Variants in SLC20A2 observed in about 807,000 individuals in gnomAD.
SLC20A2 encodes the protein solute carrier family 20 member 2.
A neutral mutation model predicts 61.0 loss-of-function variants in SLC20A2; 30 were observed. The ratio of observed to expected loss-of-function variants is 0.49; its 90% CI spans 0.37 to 0.67. SLC20A2 has a LOEUF of 0.67. Among genes scored for constraint, SLC20A2 ranks in the 30% least tolerant of loss-of-function variants. The pLI is 0.00. For missense variants in SLC20A2, 626 were observed against 866.4 expected (o/e 0.72, Z 3.48); for synonymous variants, 351 against 353.3 (o/e 0.99, Z 0.07).
chr8:42,428,731 A>C (rs1803611828), intron 10 of SLC20A2, 27 bp downstream of exon 10: 1 of 1,598,740 alleles, frequency 6.3e-7, no homozygotes, highest in Admixed American at 1.7e-5. Flanking sequence ...CGGCCTGGGG[A>C]AGGGCTCCCG....
intron 1 of SLC20A2, among the ~76,000 whole-genome samples, chr8:42,529,996 C>T (rs1402277239): frequency 6.6e-6 from 1 of 152,094 alleles, no homozygotes; most frequent in African/African-American, 2.4e-5. Context: ...TATCCAAATA[C>T]CAACATTTTA....
chr8:42,445,684 G>A (rs1276686191), intron 5 of SLC20A2, among the ~76,000 whole-genome samples: 4 of 152,088 alleles, frequency 2.6e-5, no homozygotes, highest in Non-Finnish European at 5.9e-5. Context: ...CTGAGATCGC[G>A]CCATTGCACT....
chr8:42,444,664 T>G lies in SLC20A2; in HGVS notation c.712A>C (p.Met238Leu). ...FFVWLFVCPW[M>L]RRKITGKLQK... ...CCCATACCTGTTATTTTCCTCCGCA[T>G]CCACGGACACACGAAGAGCCACACA... The change falls in exon 6 of 11, where the codon ATG becomes CTG. Residue 238 changes from methionine to leucine, a missense_variant. By Grantham distance (15) the Met-to-Leu change is conservative. Transcript: ENST00000520262. The G allele has an allele frequency of 6.2e-7, 1 of 1,613,546 alleles. No homozygotes were observed. The highest frequency in any genetic ancestry group is 8.5e-7 in the Non-Finnish European group (1 of 1,179,654).
intron 1 of SLC20A2, among the ~76,000 whole-genome samples, chr8:42,532,277 T>C (rs776778422): frequency 6.6e-6 from 1 of 152,364 alleles, no homozygotes; most frequent in Non-Finnish European, 1.5e-5. Context: ...TTAAGGCTTA[T>C]GCTTTCAGAT....
At chr8:42,496,543 C>T (rs370856236) in intron 1 of SLC20A2, among the ~76,000 whole-genome samples, 1 of 152,200 alleles carries the variant, frequency 6.6e-6, no homozygotes, top group Non-Finnish European at 1.5e-5. Flanking sequence ...GAACTCATTA[C>T]AGAGGAGAAG....
intron 1 of SLC20A2, among the ~76,000 whole-genome samples, chr8:42,539,889 T>C (rs1286201837): frequency 2.0e-5 from 3 of 152,264 alleles, no homozygotes; most frequent in Non-Finnish European, 4.4e-5. Flanking sequence ...ATTGTACTTC[T>C]ATGAATTTTT....
At chr8:42,485,300 A>C (rs543190292) in intron 1 of SLC20A2, among the ~76,000 whole-genome samples, 2 of 152,252 alleles carry the variant, frequency 1.3e-5, no homozygotes, top group South Asian at 4.1e-4. Context: ...CCCCCTCCAA[A>C]AAAGGGGAGC....
intron 2 of SLC20A2, among the ~76,000 whole-genome samples, chr8:42,470,846 C>T (rs746161511): frequency 5.9e-5 from 9 of 151,764 alleles, no homozygotes; most frequent in Non-Finnish European, 1.2e-4. Context: ...CGGTGGCACA[C>T]GCCTTTAGTC....
chr8:42,440,731 G>A (rs553397846), intron 6 of SLC20A2, among the ~76,000 whole-genome samples: 10 of 152,270 alleles, frequency 6.6e-5, no homozygotes, highest in African/African-American at 1.9e-4. Flanking sequence ...AGCAACGTAC[G>A]AGGTTCCAGT....
chr8:42,482,753 C>T (rs571053034), intron 1 of SLC20A2, among the ~76,000 whole-genome samples: 2 of 151,946 alleles, frequency 1.3e-5, no homozygotes, highest in Middle Eastern at 3.4e-3. Context: ...TGGCTGGGCA[C>T]GATGGCTTAT....
chr8:42,455,644 C>T (rs908048397), intron 5 of SLC20A2, among the ~76,000 whole-genome samples: 8 of 150,268 alleles, frequency 5.3e-5, no homozygotes, highest in African/African-American at 2.0e-4. Context: ...AATGACACTC[C>T]GTCTCAAAAA....
intron 1 of SLC20A2, among the ~76,000 whole-genome samples, chr8:42,534,041 T>C (rs61580661): frequency 0.1 from 15,263 of 151,828 alleles, 1,552 homozygotes; most frequent in African/African-American, 0.25. Flanking sequence ...AGGGGCCAGG[T>C]ATGGTGGCTC....
intron 2 of SLC20A2, chr8:42,471,163 C>T (rs916224075): frequency 2.2e-6 from 1 of 456,216 alleles, no homozygotes; most frequent in Non-Finnish European, 4.4e-6. Flanking sequence ...AACCAAATTA[C>T]CCGTATACAT....
Position 42,514,654 on chromosome 8 carries a change from A to C in SLC20A2, c.-265+27167T>G, listed in dbSNP as rs559534108. Among the ~76,000 whole-genome samples, 4 of 151,648 alleles carry C rather than the reference A, an allele frequency of 2.6e-5. No homozygotes were observed. In the East Asian group the frequency reaches 7.8e-4, roughly 30 times the overall value. On this transcript the variant is annotated intron_variant, in intron 1 of 10. Coordinates refer to the SLC20A2 transcript ENST00000342228. ...GCGCCTGTAATCCCAGCTACTTGGG[A>C]GGCTGAGGCAGGAAAATTGCTTGAA... is the stretch of plus-strand genomic sequence containing the variant.
At chr8:42,435,029 G>A (rs548649064) in intron 8 of SLC20A2, among the ~76,000 whole-genome samples, 2 of 152,266 alleles carry the variant, frequency 1.3e-5, no homozygotes, top group South Asian at 2.1e-4. Flanking sequence ...TCTAATGGAC[G>A]AGGACCCAGT....
At chr8:42,421,221 G>A (rs1026727713) in intron 10 of SLC20A2, among the ~76,000 whole-genome samples, 4 of 151,934 alleles carry the variant, frequency 2.6e-5, no homozygotes, top group African/African-American at 9.7e-5. Context: ...TTAGAGATGG[G>A]GTCTTACTAT....
chr8:42,439,736 CT>C, intron 6 of SLC20A2, 83 bp from the exon 7 acceptor site: 1 of 1,047,624 alleles, frequency 9.5e-7, no homozygotes, highest in Non-Finnish European at 1.4e-6. Flanking sequence ...GAATCTATAT[CT>C]TTATGCTTTA....
chr8:42,419,778 A>G (rs1802920643), intron 10 of SLC20A2: 3 of 526,018 alleles, frequency 5.7e-6, no homozygotes, highest in Non-Finnish European at 7.3e-6. Flanking sequence ...TTTTTTGGCT[A>G]ATTAACCGAC....
intron 1 of SLC20A2, among the ~76,000 whole-genome samples, chr8:42,526,334 CT>C (rs1811930880): frequency 6.6e-6 from 1 of 151,376 alleles, no homozygotes; most frequent in Non-Finnish European, 1.5e-5. Context: ...GACTGGTGAA[CT>C]GAAAACTGTC....
Sources: allele counts gnomAD v4.1 joint callset (sites outside exome capture counted in the v4.1 genomes callset), GRCh38; gene constraint gnomAD v4.1.1; transcripts MANE v1.5; gene names NCBI Gene and HGNC (gene_info 2026-07-23, HGNC 2026-07-21).